Variants in ELF1 observed in about 807,000 individuals in gnomAD.
ELF1 encodes the protein E74 like ETS transcription factor 1.
In ELF1, 24 loss-of-function variants were observed where a neutral mutation model predicts 59.9. The observed-to-expected ratio is 0.40, with a 90% CI of 0.29 to 0.56. ELF1 has a LOEUF of 0.56. Ranked by LOEUF, ELF1 falls within the 20% of genes least tolerant of loss-of-function variation. The pLI is 0.44. For missense variants in ELF1, 627 were observed against 742.2 expected (o/e 0.84, Z 1.80); for synonymous variants, 248 against 266.2 (o/e 0.93, Z 0.67).
At chr13:41,058,542 A>G (rs2138444031) in intron 1 of ELF1, among the ~76,000 whole-genome samples, 1 of 152,374 alleles carries the variant, frequency 6.6e-6, no homozygotes, top group East Asian at 1.9e-4. Context: ...TCTGTGTTTT[A>G]TACAGAGATG....
At chr13:40,955,442 G>A (rs1387408897) in intron 3 of ELF1, among the ~76,000 whole-genome samples, 2 of 133,136 alleles carry the variant, frequency 1.5e-5, no homozygotes, top group African/African-American at 5.6e-5. Context: ...CCCCCCGCCC[G>A]GCCAGCCGCC....
At chr13:40,940,406 A>C (rs964544624) in intron 8 of ELF1, among the ~76,000 whole-genome samples, 15 of 76,240 alleles carry the variant, frequency 2.0e-4, no homozygotes, top group Non-Finnish European at 2.7e-4. Context: ...AAAAAAAAAA[A>C]AAAAAAAAAA....
chr13:40,941,805 A>G (rs1034856621), intron 7 of ELF1, among the ~76,000 whole-genome samples: 1 of 152,044 alleles, frequency 6.6e-6, no homozygotes, highest in Non-Finnish European at 1.5e-5. Context: ...CCACAGGCGC[A>G]TGCTACCACA....
chr13:40,955,179 A>C, intron 3 of ELF1, among the ~76,000 whole-genome samples: 2 of 134,104 alleles, frequency 1.5e-5, no homozygotes, highest in Middle Eastern at 4.3e-3. Context: ...CGGCAGCCAC[A>C]CCCTCTGAGA....
At chr13:41,009,596 G>C (rs1049881370) in intron 1 of ELF1, among the ~76,000 whole-genome samples, 7 of 152,072 alleles carry the variant, frequency 4.6e-5, no homozygotes, top group Admixed American at 4.6e-4. Context: ...ACTTTAATTT[G>C]CATTCCTTTG....
Position 40,955,059 on chromosome 13 carries a change from C to T in ELF1, c.254-3623G>A, listed in dbSNP as rs1204985613. ...GATGTGGGGAGCGCCTCTGCCCTGC[C>T]GCCCTGTCTGGGATGTGAGGAGCGT... On this transcript the variant is annotated intron_variant, in intron 3 of 8. Transcript: ENST00000239882. Among the ~76,000 whole-genome samples, 20 of 150,276 alleles carry T rather than the reference C, an allele frequency of 1.3e-4. No individual in the cohort carries two copies. In the South Asian group the frequency reaches 2.4e-3, roughly 18 times the overall value.
intron 1 of ELF1, among the ~76,000 whole-genome samples, chr13:41,057,043 T>C (rs774990883): frequency 4.6e-5 from 7 of 152,196 alleles, no homozygotes; most frequent in Non-Finnish European, 8.8e-5. Flanking sequence ...TATGAGACCA[T>C]GATAAGGTCT....
intron 1 of ELF1, among the ~76,000 whole-genome samples, chr13:41,049,881 T>C (rs1360944817): frequency 6.6e-6 from 1 of 152,228 alleles, no homozygotes; most frequent in Admixed American, 6.5e-5. Context: ...TTGTCAGCTT[T>C]TATCATTGTT....
At chr13:41,012,998 G>A (rs1487412915) in intron 1 of ELF1, among the ~76,000 whole-genome samples, 1 of 152,102 alleles carries the variant, frequency 6.6e-6, no homozygotes, top group African/African-American at 2.4e-5. Context: ...TCAAAATTAT[G>A]TTTGAAATAA....
At chr13:40,982,854 T>A in intron 1 of ELF1, 1 of 985,150 alleles carries the variant, frequency 1.0e-6, no homozygotes, top group Non-Finnish European at 1.2e-6. Flanking sequence ...GTTTTAAAAA[T>A]TACCATGCTT....
chr13:41,059,897 C>G (rs1877436838), intron 1 of ELF1, among the ~76,000 whole-genome samples: 2 of 152,188 alleles, frequency 1.3e-5, no homozygotes, highest in African/African-American at 4.8e-5. Context: ...ATCAACCGCG[C>G]TCAAAATGTT....
rs180915467 is a variant in ELF1 at position 40,938,063 on chromosome 13, C to T, written c.1256+2858G>A. Among the ~76,000 whole-genome samples the T allele has an allele frequency of 3.3e-4, 50 of 152,284 alleles. No homozygotes were observed. In the East Asian group the frequency reaches 8.5e-3, roughly 26 times the overall value. ...AACTCCCGACCTCAGGTGATCCACCCGCCTCGGCCTCCCAAAGTGTTGGAA... is the reference window on the plus strand; with the variant it reads ...AACTCCCGACCTCAGGTGATCCACCTGCCTCGGCCTCCCAAAGTGTTGGAA... On this transcript the variant is annotated intron_variant, in intron 8 of 8. Coordinates refer to ENST00000239882, the MANE Select transcript of ELF1 (RefSeq NM_172373.4).
At chr13:40,955,447 G>A (rs1871235595) in intron 3 of ELF1, among the ~76,000 whole-genome samples, 1 of 134,634 alleles carries the variant, frequency 7.4e-6, no homozygotes, top group South Asian at 2.5e-4. Context: ...CGCCCGGCCA[G>A]CCGCCCCGTC....
At chr13:41,059,093 G>A (rs1877395231) in intron 1 of ELF1, among the ~76,000 whole-genome samples, 1 of 152,194 alleles carries the variant, frequency 6.6e-6, no homozygotes, top group Non-Finnish European at 1.5e-5. Context: ...TTTAGTAACT[G>A]CTTCTTAATA....
In ELF1 at chr13:41,060,308, AG is replaced by A. The variant is rs1300796852; in HGVS notation, c.-229+529del. On this transcript the variant is annotated intron_variant, in intron 1 of 1. Transcript: ENST00000405737. The stretch of plus-strand genomic sequence containing the variant: ...GCGCGGGCTCTGGGGCGCCCAGGGC[AG>A]GGGGGTCAGCCCGTCCTGCATAGGA... Among the ~76,000 whole-genome samples, 4 of 152,194 alleles carry A rather than the reference AG, an allele frequency of 2.6e-5. No homozygotes were observed. In the East Asian group the frequency reaches 7.7e-4, roughly 29 times the overall value.
intron 1 of ELF1, among the ~76,000 whole-genome samples, chr13:40,992,072 A>G (rs1873883542): frequency 6.6e-6 from 1 of 152,222 alleles, no homozygotes; most frequent in Non-Finnish European, 1.5e-5. Flanking sequence ...AATAACAATT[A>G]TTGTGTTGAA....
exon 1 of ELF1, chr13:41,060,935 C>CT: frequency 2.7e-6 from 1 of 370,830 alleles, no homozygotes; most frequent in Non-Finnish European, 5.4e-6. Context: ...CCGCCGCCGC[C>CT]GCCGCCGCCG....
exon 1 of ELF1, chr13:41,060,863 C>A (rs1442600370): frequency 6.0e-6 from 2 of 330,606 alleles, no homozygotes; most frequent in South Asian, 2.4e-5. Flanking sequence ...GCCTCTGCCT[C>A]CTTCGCCGCA....
intron 1 of ELF1, among the ~76,000 whole-genome samples, chr13:41,046,680 G>A (rs911151701): frequency 1.3e-5 from 2 of 152,190 alleles, no homozygotes; most frequent in African/African-American, 4.8e-5. Context: ...GCTTCCCTCT[G>A]TGGGTAACCC....
Sources: gnomAD v4.1 joint callset for allele counts (sites outside exome capture counted in the v4.1 genomes callset) on GRCh38, gnomAD v4.1.1 for gene constraint, MANE v1.5 for transcripts, NCBI Gene and HGNC (gene_info 2026-07-23, HGNC 2026-07-21) for gene names.